Variants in MRAS observed in about 807,000 individuals in gnomAD.
The protein encoded by MRAS is ras-related protein M-Ras.
Under a neutral mutation model 20.9 loss-of-function variants are expected in MRAS, and 4 were observed. The observed-to-expected ratio is 0.19, with a 90% CI of 0.09 to 0.44. MRAS has a LOEUF of 0.44. MRAS is among the 20% of genes least tolerant of loss of function. The pLI is 0.99. For missense variants in MRAS, 154 were observed against 277.5 expected, an observed-to-expected ratio of 0.56 and a Z score of 3.16; for synonymous variants, 98 against 102.9, an observed-to-expected ratio of 0.95 and a Z score of 0.29.
intron 2 of MRAS, among the ~76,000 whole-genome samples, chr3:138,385,661 G>A (rs532741827): frequency 4.0e-5 from 6 of 151,826 alleles, no homozygotes; most frequent in Non-Finnish European, 2.9e-5. Flanking sequence ...GACTGCAGGC[G>A]CCCGCCACCA....
chr3:138,356,092 T>C (rs1051819494), intron 1 of MRAS, among the ~76,000 whole-genome samples: 5 of 152,224 alleles, frequency 3.3e-5, no homozygotes, highest in African/African-American at 1.2e-4. Flanking sequence ...GTTGAACATA[T>C]TATACAACCA....
chr3:138,374,927 G>A (rs993442941), intron 2 of MRAS, among the ~76,000 whole-genome samples: 3 of 152,126 alleles, frequency 2.0e-5, no homozygotes, highest in African/African-American at 7.2e-5. Context: ...TGTCACCCAG[G>A]CTGGAGCACA....
At chr3:138,355,037 G>A (rs781467904) in intron 1 of MRAS, among the ~76,000 whole-genome samples, 7 of 151,896 alleles carry the variant, frequency 4.6e-5, no homozygotes, top group Non-Finnish European at 2.9e-5. Context: ...CTCCCACCTC[G>A]ACCTCCCAAA....
chr3:138,354,443 G>A (rs373018809), intron 1 of MRAS, among the ~76,000 whole-genome samples: 10 of 152,330 alleles, frequency 6.6e-5, no homozygotes, highest in African/African-American at 2.4e-4. Flanking sequence ...TTGCTCCTGA[G>A]TTTTCATGTA....
intron 1 of MRAS, among the ~76,000 whole-genome samples, chr3:138,359,166 A>G (rs1255070227): frequency 6.6e-6 from 1 of 152,260 alleles, no homozygotes; most frequent in East Asian, 1.9e-4. Context: ...GAAAAAATGC[A>G]GCAGTCATTT....
chr3:138,375,436 G>T (rs2054764460), intron 2 of MRAS, among the ~76,000 whole-genome samples: 1 of 152,190 alleles, frequency 6.6e-6, no homozygotes, highest in Admixed American at 6.5e-5. Flanking sequence ...AGTTAAATTG[G>T]TATTTCTTCC....
At chr3:138,370,357 A>G (rs989919885) in intron 1 of MRAS, among the ~76,000 whole-genome samples, 3 of 152,210 alleles carry the variant, frequency 2.0e-5, no homozygotes, top group African/African-American at 7.2e-5. Context: ...TTTCACCCAT[A>G]GCCCAGCGTC....
At chr3:138,386,843 T>G (rs2055026717) in intron 2 of MRAS, among the ~76,000 whole-genome samples, 1 of 152,254 alleles carries the variant, frequency 6.6e-6, no homozygotes, top group African/African-American at 2.4e-5. Flanking sequence ...TTTCTACTTT[T>G]GGCCATTGTG....
At position 138,397,401 on chromosome 3, in the gene MRAS, G is replaced by T; in HGVS notation, c.271G>T (p.Val91Phe). ...GCGCACGGGGGATGGCTTCCTCATC[G>T]TCTACTCCGTCACTGACAAGGCCAG... is the stretch of plus-strand genomic sequence containing the variant. ...YMRTGDGFLI[V>F]YSVTDKASFE... Residue 91 changes from valine (V) to phenylalanine (F), a missense_variant, in exon 3 of 6, where the codon GTC becomes TTC. Coordinates refer to ENST00000423968, the MANE Select transcript of MRAS (RefSeq NM_001085049.3). 1 of 1,614,120 alleles carries T rather than the reference G, an allele frequency of 6.2e-7. No homozygotes were observed. The highest frequency in any genetic ancestry group is 8.5e-7 in the Non-Finnish European group (1 of 1,180,016).
At chr3:138,390,008 C>G (rs2055097460) in intron 2 of MRAS, among the ~76,000 whole-genome samples, 1 of 147,872 alleles carries the variant, frequency 6.8e-6, no homozygotes, top group African/African-American at 2.5e-5. Flanking sequence ...CCTAGTATTT[C>G]TCAGGAGGGA....
At chr3:138,347,756 T>G (rs980597218), upstream of MRAS, 1 of 151,634 alleles carries the variant, frequency 6.6e-6, no homozygotes, top group South Asian at 2.1e-4. Context: ...CCATGCCGGG[T>G]TGACTTTTGT....
At position 138,363,824 on chromosome 3, in the gene MRAS, C is replaced by A. The variant is rs543977168; in HGVS notation, c.-18-9042C>A. On this transcript the variant is annotated intron_variant, in intron 1 of 5. Transcript: ENST00000423968. ...TGTGACCTGTTAGAGGATTTACCCC[C>A]CCCCCCCCCCAAACCACAGGGTACC... Among the ~76,000 whole-genome samples, 6 of 99,540 alleles carry A rather than the reference C, an allele frequency of 6.0e-5. 1 individual carries two copies. The South Asian group carries it at 2.7e-3, about 45-fold the overall frequency. The allele number at this position is 99,540 out of a possible 152,430, so 65.3% of individuals were successfully genotyped here. A position where few individuals can be genotyped will look rare whatever the true frequency, so the allele number is the denominator to read the frequency against.
chr3:138,381,915 C>T (rs747134376), intron 2 of MRAS, among the ~76,000 whole-genome samples: 1 of 152,154 alleles, frequency 6.6e-6, no homozygotes, highest in Non-Finnish European at 1.5e-5. Context: ...GGAAAAGGAA[C>T]GTTTACTGAG....
chr3:138,380,606 C>T (rs956594068), intron 2 of MRAS, among the ~76,000 whole-genome samples: 4 of 151,486 alleles, frequency 2.6e-5, no homozygotes, highest in African/African-American at 7.3e-5. Flanking sequence ...CCACCGCGCC[C>T]GGCTTCTACT....
chr3:138,399,192 C>T (rs1157425678), intron 4 of MRAS, among the ~76,000 whole-genome samples: 1 of 152,190 alleles, frequency 6.6e-6, no homozygotes, highest in Admixed American at 6.5e-5. Context: ...TGAGCAAGTG[C>T]GTCATTCTGA....
intron 2 of MRAS, among the ~76,000 whole-genome samples, chr3:138,374,016 T>G (rs1457574625): frequency 6.6e-6 from 1 of 152,116 alleles, no homozygotes; most frequent in Non-Finnish European, 1.5e-5. Flanking sequence ...TGGAGTGCAG[T>G]GGTGCAGTCT....
intron 1 of MRAS, among the ~76,000 whole-genome samples, chr3:138,351,410 C>T (rs902547580): frequency 2.0e-5 from 3 of 152,186 alleles, no homozygotes; most frequent in African/African-American, 7.2e-5. Context: ...GGTACAGTCA[C>T]CTTTATCTGG....
intron 2 of MRAS, among the ~76,000 whole-genome samples, chr3:138,373,560 G>A (rs2054718555): frequency 6.6e-6 from 1 of 152,212 alleles, no homozygotes; most frequent in African/African-American, 2.4e-5. Flanking sequence ...GCAGCATCAG[G>A]AAACTAATTA....
chr3:138,368,075 G>T (rs985312811), intron 1 of MRAS, among the ~76,000 whole-genome samples: 2 of 152,222 alleles, frequency 1.3e-5, no homozygotes, highest in African/African-American at 4.8e-5. Context: ...CCGCCCCCAC[G>T]GCCAAGTGGC....
Sources: gnomAD v4.1 joint callset for allele counts (sites outside exome capture counted in the v4.1 genomes callset) on GRCh38, gnomAD v4.1.1 for gene constraint, MANE v1.5 for transcripts, NCBI Gene and HGNC (gene_info 2026-07-23, HGNC 2026-07-21) for gene names.